The following ERBB4 variants were observed in gnomAD, a reference collection of about 807,000 sequenced individuals.
The protein encoded by ERBB4 is receptor tyrosine-protein kinase erbB-4.
Under a neutral mutation model 158.0 loss-of-function variants are expected in ERBB4, and 42 were observed. The ratio of observed to expected loss-of-function variants is 0.27; its 90% CI spans 0.21 to 0.34. The LOEUF (loss-of-function observed/expected upper bound fraction) is 0.34. ERBB4 is among the 10% of genes least tolerant of loss of function. ERBB4 has a pLI of 1.00. For missense variants in ERBB4, 1,333 were observed against 1,624.1 expected, an observed-to-expected ratio of 0.82 and a Z score of 3.08; for synonymous variants, 583 against 558.7, an observed-to-expected ratio of 1.04 and a Z score of -0.61.
chr2:211,634,057 G>C (rs1364416682), intron 16 of ERBB4, among the ~76,000 whole-genome samples: 1 of 152,190 alleles, frequency 6.6e-6, no homozygotes, highest in East Asian at 1.9e-4. Context: ...CACTCCAGAG[G>C]CCGAGGCAGG....
At chr2:212,522,578 G>A (rs926185380) in intron 1 of ERBB4, among the ~76,000 whole-genome samples, 4 of 151,920 alleles carry the variant, frequency 2.6e-5, no homozygotes, top group Non-Finnish European at 5.9e-5. Flanking sequence ...TAAGACAGGG[G>A]AGGGCATCTG....
intron 1 of ERBB4, among the ~76,000 whole-genome samples, chr2:212,480,072 T>A (rs1052725032): frequency 2.0e-5 from 3 of 152,232 alleles, no homozygotes; most frequent in African/African-American, 7.2e-5. Flanking sequence ...GAATTAATTA[T>A]TACTTAGATG....
intron 1 of ERBB4, among the ~76,000 whole-genome samples, chr2:212,288,580 A>G (rs2086089503): frequency 6.6e-6 from 1 of 152,112 alleles, no homozygotes; most frequent in African/African-American, 2.4e-5. Context: ...TCAGTGTGCG[A>G]GGTGGAAAAC....
chr2:212,044,889 T>C (rs941036139), intron 2 of ERBB4, among the ~76,000 whole-genome samples: 1 of 152,142 alleles, frequency 6.6e-6, no homozygotes, highest in African/African-American at 2.4e-5. Flanking sequence ...TTGTTATGTG[T>C]TGTTTTTGAT....
At chr2:212,537,600 C>T (rs527247697) in intron 1 of ERBB4, among the ~76,000 whole-genome samples, 2 of 152,262 alleles carry the variant, frequency 1.3e-5, no homozygotes, top group African/African-American at 4.8e-5. Context: ...ATCCAGTGAC[C>T]CGCAGGCTCG....
chr2:212,406,231 A>G (rs2091340526), intron 1 of ERBB4, among the ~76,000 whole-genome samples: 1 of 152,116 alleles, frequency 6.6e-6, no homozygotes, highest in South Asian at 2.1e-4. Context: ...ACCTGTGACT[A>G]TAGGCTAAGT....
intron 4 of ERBB4, among the ~76,000 whole-genome samples, chr2:211,770,184 T>C (rs1285009834): frequency 6.6e-6 from 1 of 152,228 alleles, no homozygotes; most frequent in Non-Finnish European, 1.5e-5. Flanking sequence ...TCACCAGATG[T>C]CTCTTACTGT....
chr2:211,804,208 AT>A (rs1431301044), intron 3 of ERBB4, among the ~76,000 whole-genome samples: 1 of 152,238 alleles, frequency 6.6e-6, no homozygotes, highest in East Asian at 1.9e-4. Flanking sequence ...GATTAACATA[AT>A]AACATAAAAA....
At chr2:211,958,779 T>G (rs1202106303) in intron 2 of ERBB4, among the ~76,000 whole-genome samples, 1 of 152,122 alleles carries the variant, frequency 6.6e-6, no homozygotes, top group Non-Finnish European at 1.5e-5. Flanking sequence ...CTAAGGTTTA[T>G]TTATGAGAAA....
At chr2:211,923,717 A>G (rs2079936069) in intron 3 of ERBB4, among the ~76,000 whole-genome samples, 1 of 149,684 alleles carries the variant, frequency 6.7e-6, no homozygotes, top group South Asian at 2.1e-4. Context: ...TCTAAGTTGT[A>G]TTGTATTGTA....
At chr2:212,114,935 C>T (rs1303377158) in intron 2 of ERBB4, among the ~76,000 whole-genome samples, 2 of 152,098 alleles carry the variant, frequency 1.3e-5, no homozygotes, top group African/African-American at 2.4e-5. Flanking sequence ...GTACAGCCAA[C>T]CAGCTCTTGT....
intron 1 of ERBB4, among the ~76,000 whole-genome samples, chr2:212,227,487 C>G (rs1445781409): frequency 6.6e-6 from 1 of 152,030 alleles, no homozygotes; most frequent in East Asian, 1.9e-4. Context: ...ATGTCCACCT[C>G]AGTATTTCTT....
At chr2:211,734,779 G>A (rs142002890) in intron 5 of ERBB4, among the ~76,000 whole-genome samples, 6,382 of 151,516 alleles carry the variant, frequency 0.042, 339 homozygotes, top group East Asian at 0.23. Flanking sequence ...AAATTAGCCA[G>A]GCGTGGTGGC....
intron 20 of ERBB4, among the ~76,000 whole-genome samples, chr2:211,512,527 G>A (rs1280116601): frequency 6.6e-6 from 1 of 151,208 alleles, no homozygotes; most frequent in Admixed American, 6.6e-5. Flanking sequence ...TATTGCCTCT[G>A]ACAAGTGAAC....
chr2:211,993,161 G>A (rs957184180), intron 2 of ERBB4, among the ~76,000 whole-genome samples: 2 of 152,188 alleles, frequency 1.3e-5, no homozygotes, highest in East Asian at 1.9e-4. Context: ...ACCTTAGAAT[G>A]TAACTGTATA....
At chr2:212,499,934 T>G (rs1319705050) in intron 1 of ERBB4, among the ~76,000 whole-genome samples, 1 of 152,076 alleles carries the variant, frequency 6.6e-6, no homozygotes, top group East Asian at 1.9e-4. Flanking sequence ...TCAGCCATAT[T>G]TCATATGACA....
chr2:211,942,309 T>C (rs2080522461), intron 3 of ERBB4, among the ~76,000 whole-genome samples: 1 of 151,894 alleles, frequency 6.6e-6, no homozygotes, highest in Non-Finnish European at 1.5e-5. Flanking sequence ...CATTTACATG[T>C]TGTAGTTTCT....
At chr2:211,502,533 G>C (rs2065642507) in intron 20 of ERBB4, among the ~76,000 whole-genome samples, 1 of 152,058 alleles carries the variant, frequency 6.6e-6, no homozygotes, top group African/African-American at 2.4e-5. Context: ...AACGAAGCAA[G>C]GCCTCCATGA....
intron 20 of ERBB4, among the ~76,000 whole-genome samples, chr2:211,483,904 C>T (rs571395723): frequency 5.9e-5 from 9 of 152,064 alleles, no homozygotes; most frequent in African/African-American, 1.7e-4. Context: ...AGATAAAGAG[C>T]AACATATTTA....
Sources: gnomAD v4.1 joint callset for allele counts (sites outside exome capture counted in the v4.1 genomes callset) on GRCh38, gnomAD v4.1.1 for gene constraint, MANE v1.5 for transcripts, NCBI Gene and HGNC (gene_info 2026-07-23, HGNC 2026-07-21) for gene names.